Variants in BACH2 observed in about 807,000 individuals in gnomAD.
BACH2 encodes transcription regulator protein BACH2.
In BACH2, 5 loss-of-function variants were observed where a neutral mutation model predicts 61.8. That is an observed-to-expected ratio of 0.08 (90% CI 0.04 to 0.17). The LOEUF (loss-of-function observed/expected upper bound fraction) is 0.17, where lower values mean the gene tolerates loss of function less well. Among genes scored for constraint, BACH2 ranks in the 10% least tolerant of loss-of-function variants. The probability of loss-of-function intolerance (pLI) is 1.00; values close to 1 mark genes in which losing one functional copy is unlikely to be tolerated. For missense variants in BACH2, 824 were observed against 1,091.1 expected, an observed-to-expected ratio of 0.76 and a Z score of 3.45; for synonymous variants, 446 against 440.1, an observed-to-expected ratio of 1.01 and a Z score of -0.17.
At chr6:90,256,524 C>T (rs944849121) in intron 2 of BACH2, among the ~76,000 whole-genome samples, 1 of 152,144 alleles carries the variant, frequency 6.6e-6, no homozygotes, top group East Asian at 1.9e-4. Context: ...GAAAATGTCA[C>T]CTACCATTCA....
intron 8 of BACH2, among the ~76,000 whole-genome samples, chr6:89,933,646 C>T (rs1772822495): frequency 6.6e-6 from 1 of 152,086 alleles, no homozygotes; most frequent in Non-Finnish European, 1.5e-5. Context: ...TGGAAACTCT[C>T]TGTATAGTGT....
chr6:90,127,194 C>T (rs1301595077), intron 4 of BACH2, among the ~76,000 whole-genome samples: 1 of 152,238 alleles, frequency 6.6e-6, no homozygotes, highest in Non-Finnish European at 1.5e-5. Context: ...CCAGCCCATA[C>T]ACACTGAAGT....
At chr6:90,055,132 T>G (rs895358609) in intron 5 of BACH2, among the ~76,000 whole-genome samples, 206 of 152,140 alleles carry the variant, frequency 1.4e-3, no homozygotes, top group Non-Finnish European at 2.1e-3. Context: ...AGAATGACTT[T>G]GCTGAGTTGA....
At chr6:90,288,887 A>T (rs763205217) in intron 1 of BACH2, among the ~76,000 whole-genome samples, 20 of 152,204 alleles carry the variant, frequency 1.3e-4, no homozygotes, top group Non-Finnish European at 2.6e-4. Flanking sequence ...CGCAAAAAAC[A>T]AATTCCCTCC....
intron 5 of BACH2, among the ~76,000 whole-genome samples, chr6:90,060,742 T>C (rs1347501919): frequency 1.3e-5 from 2 of 152,070 alleles, no homozygotes; most frequent in African/African-American, 4.8e-5. Context: ...GAAAAAAAAC[T>C]AGAAGCCTAA....
Position 90,024,660 on chromosome 6 carries a change from C to CT in BACH2, c.-12-15805dup, listed in dbSNP as rs550329383. 2.7e-4 allele frequency among the ~76,000 whole-genome samples: 41 copies of CT among 152,196 alleles called. 1 individual carries two copies. The East Asian group carries it at 5.4e-3, about 20-fold the overall frequency. ...TTTCTAACTGTGGTTCCTGAGAAGA[C>CT]TTTTTAAGGAAGCTAGAGATGCTCA... On this transcript the variant is annotated intron_variant, in intron 5 of 8. Coordinates refer to ENST00000257749, the MANE Select transcript of BACH2 (RefSeq NM_021813.4).
chr6:90,031,056 A>T (rs1778952445), intron 5 of BACH2, among the ~76,000 whole-genome samples: 3 of 150,624 alleles, frequency 2.0e-5, no homozygotes, highest in Non-Finnish European at 1.5e-5. Context: ...CAACATACGC[A>T]AATCAATAAA....
chr6:89,980,248 C>T (rs1039641444), intron 6 of BACH2, among the ~76,000 whole-genome samples: 2 of 151,334 alleles, frequency 1.3e-5, no homozygotes, highest in Admixed American at 6.6e-5. Flanking sequence ...GAGCCGAGAT[C>T]GTGCCACTGC....
chr6:89,977,446 G>C (rs1775713207), intron 6 of BACH2, among the ~76,000 whole-genome samples: 1 of 152,134 alleles, frequency 6.6e-6, no homozygotes, highest in Non-Finnish European at 1.5e-5. Context: ...ATTGAACTGG[G>C]TAAAAAAACA....
intron 4 of BACH2, among the ~76,000 whole-genome samples, chr6:90,185,568 C>T (rs1768326881): frequency 6.6e-6 from 1 of 152,016 alleles, no homozygotes; most frequent in African/African-American, 2.4e-5. Flanking sequence ...TTTCTTTCTA[C>T]TTTACTTTCC....
At chr6:90,284,202 A>C (rs1771946918) in intron 1 of BACH2, among the ~76,000 whole-genome samples, 1 of 152,150 alleles carries the variant, frequency 6.6e-6, no homozygotes, top group South Asian at 2.1e-4. Context: ...AAACTGCAGC[A>C]AAACCAACCA....
chr6:90,005,518 C>A (rs370975435), intron 6 of BACH2, among the ~76,000 whole-genome samples: 7 of 152,312 alleles, frequency 4.6e-5, no homozygotes, highest in African/African-American at 1.4e-4. Flanking sequence ...CCACTTAATT[C>A]AAATTTTATG....
chr6:90,270,135 T>C (rs762428040), intron 2 of BACH2, among the ~76,000 whole-genome samples: 37 of 152,216 alleles, frequency 2.4e-4, no homozygotes, highest in Non-Finnish European at 4.7e-4. Flanking sequence ...CATTGGTTGA[T>C]GGGTATTTAA....
intron 1 of BACH2, among the ~76,000 whole-genome samples, chr6:90,272,534 T>C (rs922403763): frequency 6.6e-6 from 1 of 152,182 alleles, no homozygotes; most frequent in African/African-American, 2.4e-5. Context: ...CTCTACTGCA[T>C]ATGCTCTTCA....
intron 4 of BACH2, among the ~76,000 whole-genome samples, chr6:90,189,310 T>C (rs541459364): frequency 3.9e-5 from 6 of 152,110 alleles, no homozygotes; most frequent in Non-Finnish European, 2.9e-5. Flanking sequence ...AAGTTAACAC[T>C]TCAAGAGTGG....
chr6:90,109,362 T>G (rs1783066151), intron 4 of BACH2, among the ~76,000 whole-genome samples: 1 of 152,236 alleles, frequency 6.6e-6, no homozygotes, highest in African/African-American at 2.4e-5. Context: ...TCTCATCAGC[T>G]TCACCTGTGG....
chr6:90,106,142 C>G (rs1178786097), intron 4 of BACH2, among the ~76,000 whole-genome samples: 2 of 152,160 alleles, frequency 1.3e-5, no homozygotes, highest in African/African-American at 4.8e-5. Context: ...TTCAAAAAAG[C>G]TAGAACAATT....
chr6:89,976,552 T>C (rs1039979224), intron 6 of BACH2, among the ~76,000 whole-genome samples: 1 of 152,244 alleles, frequency 6.6e-6, no homozygotes, highest in African/African-American at 2.4e-5. Flanking sequence ...TCTCTTTTAC[T>C]CAACTCAAAT....
intron 5 of BACH2, among the ~76,000 whole-genome samples, chr6:90,039,900 T>A (rs963115976): frequency 6.6e-6 from 1 of 152,204 alleles, no homozygotes; most frequent in Non-Finnish European, 1.5e-5. Flanking sequence ...AGTCTTACTA[T>A]TCTTTTAATT....
Sources: allele counts gnomAD v4.1 joint callset (sites outside exome capture counted in the v4.1 genomes callset), GRCh38; gene constraint gnomAD v4.1.1; transcripts MANE v1.5; gene names NCBI Gene and HGNC (gene_info 2026-07-23, HGNC 2026-07-21).